SMARCA1: variants seen among roughly 807,000 people sequenced by gnomAD.
SMARCA1 encodes the protein SNF2 related chromatin remodeling ATPase 1, also known as SWI/SNF-related matrix-associated actin-dependent regulator of chromatin subfamily A member 1.
SMARCA1 carries 17 observed loss-of-function variants against 93.6 expected under a neutral mutation model. That is an observed-to-expected ratio of 0.18 (90% confidence interval 0.12 to 0.27). SMARCA1 has a LOEUF of 0.27. Ranked by LOEUF, SMARCA1 falls within the 10% of genes least tolerant of loss-of-function variation. The probability of loss-of-function intolerance (pLI) is 1.00; values close to 1 mark genes in which losing one functional copy is unlikely to be tolerated. For synonymous variants in SMARCA1, 271 were observed against 271.4 expected, an observed-to-expected ratio of 1.00 and a Z score of 0.01; for missense variants, 630 against 819.0, an observed-to-expected ratio of 0.77 and a Z score of 2.82.
chrX:129,511,928 C>T lies in SMARCA1; in HGVS notation c.686G>A (p.Arg229Gln), dbSNP rs1176497124. 8.3e-7 allele frequency: 1 copy of T among 1,207,243 alleles called. No individual in the cohort carries two copies. Among genetic ancestry groups the T allele is most frequent in the Non-Finnish European group, 1.1e-6 (1 of 892,807 alleles). ...AACCATGTGAGGTCCAGGAATATTT[C>T]GGTAGTGTTTCAGGTAACCAAGCAA... ...IALLGYLKHYRNIPGPHMVLV... is the reference protein window; with the variant it reads ...IALLGYLKHYQNIPGPHMVLV... The change falls in exon 6 of 25, where the codon CGA (arginine) becomes CAA (glutamine). Residue 229 changes from arginine (R) to glutamine (Q), a missense_variant. Physicochemically the swap from Arg to Gln is conservative, Grantham distance 43 (BLOSUM62 1). Coordinates refer to ENST00000371121, the MANE Select transcript of SMARCA1 (RefSeq NM_001282874.2).
At position 129,518,512 on chromosome X, in the gene SMARCA1, T is replaced by A. The variant is rs1935280668; in HGVS notation, c.175-65A>T. On this transcript the variant is annotated intron_variant, in intron 1 of 24. Transcript: ENST00000371121. ...GCAAGGTTCTTAAACTGGTCAATGC[T>A]CTCATTAGAAGAAGGCGGAAAGTAA... is the stretch of plus-strand genomic sequence containing the variant. 5 of 649,878 alleles carry A rather than the reference T, an allele frequency of 7.7e-6. 1 individual carries two copies. The Admixed American group carries it at 1.5e-4, about 19-fold the overall frequency. 53.6% of individuals were successfully genotyped at this position (649,878 alleles called of 1,213,427 possible).
At chrX:129,501,305 T>A (rs1203278603) in intron 9 of SMARCA1, among the ~76,000 whole-genome samples, 1 of 110,285 alleles carries the variant, frequency 9.1e-6, no homozygotes, top group Non-Finnish European at 1.9e-5. Context: ...CAAACTTTTT[T>A]TTTTTTTTGA....
chrX:129,469,976 C>A (rs1933040665), intron 20 of SMARCA1, among the ~76,000 whole-genome samples: 1 of 111,606 alleles, frequency 9.0e-6, no homozygotes, highest in African/African-American at 3.3e-5. Flanking sequence ...TATTTTCAAA[C>A]TAAACTTTAT....
chrX:129,472,520 G>C (rs759340178), intron 19 of SMARCA1, among the ~76,000 whole-genome samples: 6 of 111,526 alleles, frequency 5.4e-5, no homozygotes, highest in African/African-American at 1.3e-4. Flanking sequence ...AAGTACAATA[G>C]TTCTTCAGGT....
At chrX:129,491,023 C>G (rs1179688917) in intron 14 of SMARCA1, among the ~76,000 whole-genome samples, 1 of 111,834 alleles carries the variant, frequency 8.9e-6, no homozygotes, top group Non-Finnish European at 1.9e-5. Context: ...AACACTGTAA[C>G]TTACTGGGGC....
intron 23 of SMARCA1, among the ~76,000 whole-genome samples, chrX:129,463,264 A>C (rs142435207): frequency 1.8e-5 from 2 of 111,742 alleles, no homozygotes; most frequent in African/African-American, 6.5e-5. Flanking sequence ...ACATGTATAA[A>C]ACCCCAAATG....
intron 16 of SMARCA1, 57 bp from the exon 17 acceptor site, chrX:129,487,194 G>A: frequency 2.3e-6 from 2 of 883,320 alleles, no homozygotes; most frequent in East Asian, 3.3e-5. Context: ...GTAAAAGTCT[G>A]TGGATTCTCT....
intron 8 of SMARCA1, among the ~76,000 whole-genome samples, chrX:129,505,818 C>T (rs769048182): frequency 2.9e-4 from 32 of 111,211 alleles, no homozygotes; most frequent in African/African-American, 8.2e-4. Flanking sequence ...ACTATGGACT[C>T]AGCCTCACAT....
At chrX:129,459,505 A>G (rs768363628) in intron 23 of SMARCA1, among the ~76,000 whole-genome samples, 2 of 112,850 alleles carry the variant, frequency 1.8e-5, no homozygotes, top group South Asian at 7.4e-4. Flanking sequence ...CTGTTAGTGC[A>G]TTAATTGTAT....
intron 23 of SMARCA1, among the ~76,000 whole-genome samples, chrX:129,452,155 T>C (rs1236495460): frequency 8.9e-6 from 1 of 112,885 alleles, no homozygotes. Flanking sequence ...GAAATGACTA[T>C]GAGAAATTTC....
rs1172199214 is a variant in SMARCA1 at position 129,490,127 on chromosome X, A to G, written c.1881T>C (p.Thr627=). ...CTCTTTCTACAATCCTCTCTTCAACAGTGTTGTCAGTGATGAGACGGAATA... is the reference window on the plus strand; with the variant it reads ...CTCTTTCTACAATCCTCTCTTCAACGGTGTTGTCAGTGATGAGACGGAATA... ...VRVFRLITDN[T]VEERIVERAE... is the part of the protein sequence containing the mutation. The change falls in exon 15 of 25, where the codon ACT becomes ACC. Residue 627 remains threonine (T), a synonymous_variant. Transcript: ENST00000371121. The G allele has an allele frequency of 1.7e-6, 2 of 1,178,523 alleles. No homozygotes were observed. Among genetic ancestry groups the G allele is most frequent in the Non-Finnish European group, 2.3e-6 (2 of 866,826 alleles).
At chrX:129,491,897 T>C (rs996186378) in intron 14 of SMARCA1, 44 bp downstream of exon 14, 6 of 996,597 alleles carry the variant, frequency 6.0e-6, no homozygotes, top group African/African-American at 3.8e-5. Context: ...AGCAATAGTA[T>C]TCAGAGCTAT....
chrX:129,454,553 G>A (rs2124162819), intron 23 of SMARCA1, among the ~76,000 whole-genome samples: 1 of 111,555 alleles, frequency 9.0e-6, no homozygotes, highest in South Asian at 3.7e-4. Context: ...TCTGACAAAG[G>A]GCTAATATCC....
intron 20 of SMARCA1, among the ~76,000 whole-genome samples, chrX:129,469,970 T>C (rs779337176): frequency 8.9e-6 from 1 of 111,935 alleles, no homozygotes; most frequent in African/African-American, 3.2e-5. Context: ...CCATTATATT[T>C]TCAAACTAAA....
At chrX:129,456,799 C>T (rs1311719531) in intron 23 of SMARCA1, among the ~76,000 whole-genome samples, 1 of 111,980 alleles carries the variant, frequency 8.9e-6, no homozygotes, top group Admixed American at 9.5e-5. Context: ...TGAGGAGTTG[C>T]TTCTTATGGA....
At chrX:129,476,269 C>T (rs1933380514) in intron 19 of SMARCA1, among the ~76,000 whole-genome samples, 1 of 112,292 alleles carries the variant, frequency 8.9e-6, no homozygotes, top group Non-Finnish European at 1.9e-5. Context: ...TTATGTACTG[C>T]TGTCCACCAC....
chrX:129,447,266 A>G, intron 24 of SMARCA1, 33 bp from the exon 25 acceptor site: 1 of 1,127,519 alleles, frequency 8.9e-7, no homozygotes. Context: ...GTTCTGCTCC[A>G]ATATGCACAT....
chrX:129,483,076 A>G (rs940852187), intron 17 of SMARCA1, among the ~76,000 whole-genome samples: 30 of 112,552 alleles, frequency 2.7e-4, no homozygotes, highest in African/African-American at 9.3e-4. Context: ...TCATTGATCC[A>G]TAAGATTAAA....
chrX:129,473,445 T>C (rs1352634910), intron 19 of SMARCA1, among the ~76,000 whole-genome samples: 1 of 112,177 alleles, frequency 8.9e-6, no homozygotes, highest in Non-Finnish European at 1.9e-5. Flanking sequence ...TACCAGCAAT[T>C]CCATTCCTAA....
Sources: gnomAD v4.1 joint callset for allele counts (sites outside exome capture counted in the v4.1 genomes callset) on GRCh38, gnomAD v4.1.1 for gene constraint, MANE v1.5 for transcripts, NCBI Gene and HGNC (gene_info 2026-07-23, HGNC 2026-07-21) for gene names.